Variants in GBE1 observed in about 807,000 individuals in gnomAD.
GBE1 encodes 1,4-alpha-glucan branching enzyme 1.
A neutral mutation model predicts 88.8 loss-of-function variants in GBE1; 70 were observed. That is an observed-to-expected ratio of 0.79 (90% CI 0.65 to 0.96). The LOEUF is 0.96. Among genes scored for constraint, GBE1 ranks in the 40% least tolerant of loss-of-function variants. The pLI, the probability that GBE1 is intolerant of heterozygous loss-of-function variation, is 0.00. For missense variants in GBE1, 872 were observed against 871.0 expected, an observed-to-expected ratio of 1.00 and a Z score of -0.01; for synonymous variants, 284 against 300.1, an observed-to-expected ratio of 0.95 and a Z score of 0.56.
At chr3:81,684,823 C>G (rs1016425186) in intron 2 of GBE1, among the ~76,000 whole-genome samples, 1 of 152,088 alleles carries the variant, frequency 6.6e-6, no homozygotes, top group Non-Finnish European at 1.5e-5. Context: ...GTCAATATAG[C>G]AGCTACACCA....
At chr3:81,506,255 A>G (rs1702652857) in intron 14 of GBE1, among the ~76,000 whole-genome samples, 2 of 152,196 alleles carry the variant, frequency 1.3e-5, no homozygotes, top group South Asian at 4.1e-4. Flanking sequence ...AAGGACATGA[A>G]CAGACACTTT....
At chr3:81,557,868 CA>C (rs1703368274) in intron 12 of GBE1, among the ~76,000 whole-genome samples, 1 of 151,856 alleles carries the variant, frequency 6.6e-6, no homozygotes, top group African/African-American at 2.4e-5. Flanking sequence ...CATAACATAA[CA>C]AAGAAGAAAG....
Position 81,535,180 on chromosome 3 carries a change from T to C in GBE1, c.1934+15A>G. ...GAATGTGGACAGTCATATTCACTGGTAACAAAAAGGATATTTCCCTGGCAA... is the reference window on the plus strand; with the variant it reads ...GAATGTGGACAGTCATATTCACTGGCAACAAAAAGGATATTTCCCTGGCAA... On this transcript the variant is annotated intron_variant, in intron 14 of 15. Coordinates refer to ENST00000429644, the MANE Select transcript of GBE1 (RefSeq NM_000158.4). 6.2e-7 allele frequency: 1 copy of C among 1,604,626 alleles called. No individual in the cohort carries two copies. Among genetic ancestry groups the C allele is most frequent in the Non-Finnish European group, 8.5e-7 (1 of 1,175,856 alleles).
In GBE1 at chr3:81,700,514, C is replaced by A. The variant is rs142529228; in HGVS notation, c.313+4930G>T. Among the ~76,000 whole-genome samples, 582 of 152,190 alleles carry A rather than the reference C, an allele frequency of 3.8e-3. 3 individuals are homozygous for A. Among genetic ancestry groups the A allele is most frequent in the African/African-American group, 0.013 (557 of 41,524 alleles). Reference sequence around the variant, plus strand: ...ATTCTACAGAAATAAAATGACCCTGCCAAATTGCTATCAACATTCCTAAAT... The same window carrying A: ...ATTCTACAGAAATAAAATGACCCTGACAAATTGCTATCAACATTCCTAAAT... On this transcript the variant is annotated intron_variant, in intron 2 of 15. Coordinates refer to ENST00000429644, the MANE Select transcript of GBE1 (RefSeq NM_000158.4).
chr3:81,695,254 A>T (rs914541147), intron 2 of GBE1, among the ~76,000 whole-genome samples: 1 of 152,194 alleles, frequency 6.6e-6, no homozygotes, highest in South Asian at 2.1e-4. Context: ...AACCCAAATG[A>T]CCATCTACTG....
At chr3:81,627,832 T>G (rs906073498) in intron 7 of GBE1, among the ~76,000 whole-genome samples, 1 of 151,676 alleles carries the variant, frequency 6.6e-6, no homozygotes, top group Non-Finnish European at 1.5e-5. Flanking sequence ...CAGGCTGGAA[T>G]GCAGTGGGCA....
intron 7 of GBE1, among the ~76,000 whole-genome samples, chr3:81,636,028 A>G (rs1205431915): frequency 6.6e-6 from 1 of 152,296 alleles, no homozygotes; most frequent in African/African-American, 2.4e-5. Flanking sequence ...AAGTTTATAC[A>G]AAGACGGTAA....
At chr3:81,677,124 G>A (rs1290374882) in intron 2 of GBE1, among the ~76,000 whole-genome samples, 4 of 152,216 alleles carry the variant, frequency 2.6e-5, no homozygotes, top group South Asian at 2.1e-4. Flanking sequence ...TTTCTGCAGC[G>A]TTTTTGAGTT....
At chr3:81,607,601 T>G (rs1179492717) in intron 7 of GBE1, among the ~76,000 whole-genome samples, 3 of 152,100 alleles carry the variant, frequency 2.0e-5, no homozygotes, top group Non-Finnish European at 4.4e-5. Flanking sequence ...GGCAATTAAT[T>G]CTGCTAACTA....
chr3:81,581,174 G>A lies in GBE1; in HGVS notation c.1437C>T (p.Ser479=). The change falls in exon 11 of 16, where the codon AGC becomes AGT. Residue 479 remains serine (S), a synonymous_variant. Transcript: ENST00000429644. ...GCACATATTCATTTACCTGATCATGGCTCTCTGCATAAGCAATGCACTTTT... is the reference window on the plus strand; with the variant it reads ...GCACATATTCATTTACCTGATCATGACTCTCTGCATAAGCAATGCACTTTT... ...YLEKCIAYAE[S]HDQALVGDKS... 1.3e-6 allele frequency: 2 copies of A among 1,595,858 alleles called. No homozygotes were observed. Among genetic ancestry groups the A allele is most frequent in the South Asian group, 1.1e-5 (1 of 89,314 alleles).
intron 12 of GBE1, among the ~76,000 whole-genome samples, chr3:81,565,083 G>A (rs550744986): frequency 6.6e-6 from 1 of 152,108 alleles, no homozygotes; most frequent in Non-Finnish European, 1.5e-5. Context: ...GGTTAACAGT[G>A]TGCTGTGAAT....
At chr3:81,512,263 G>A (rs867149962) in intron 14 of GBE1, among the ~76,000 whole-genome samples, 12 of 151,840 alleles carry the variant, frequency 7.9e-5, no homozygotes, top group Middle Eastern at 3.4e-3. Context: ...CTACCTGGCT[G>A]ATAGGATCAT....
intron 12 of GBE1, among the ~76,000 whole-genome samples, chr3:81,570,881 C>A (rs1032702451): frequency 6.6e-6 from 1 of 152,086 alleles, no homozygotes; most frequent in Non-Finnish European, 1.5e-5. Context: ...GTAAATGTGT[C>A]CCCATACATG....
intron 7 of GBE1, among the ~76,000 whole-genome samples, chr3:81,620,599 T>C (rs560296353): frequency 1.3e-5 from 2 of 152,252 alleles, no homozygotes; most frequent in South Asian, 4.1e-4. Flanking sequence ...GCATATGCTA[T>C]GGAAATAAAG....
intron 12 of GBE1, among the ~76,000 whole-genome samples, chr3:81,546,732 T>A (rs533719461): frequency 6.6e-6 from 1 of 151,528 alleles, no homozygotes; most frequent in Non-Finnish European, 1.5e-5. Context: ...TTGTTTAGCA[T>A]ATAATCAAGA....
At chr3:81,748,681 A>C (rs1348356841) in intron 1 of GBE1, among the ~76,000 whole-genome samples, 1 of 152,082 alleles carries the variant, frequency 6.6e-6, no homozygotes, top group Non-Finnish European at 1.5e-5. Flanking sequence ...GATCAACTGC[A>C]TCCAGTGGAA....
At chr3:81,635,980 C>A (rs988999307) in intron 7 of GBE1, among the ~76,000 whole-genome samples, 3 of 152,116 alleles carry the variant, frequency 2.0e-5, no homozygotes, top group Non-Finnish European at 4.4e-5. Flanking sequence ...AAATTTTAGG[C>A]TTGTGGGGAA....
At chr3:81,519,257 T>C (rs1702840583) in intron 14 of GBE1, among the ~76,000 whole-genome samples, 1 of 151,572 alleles carries the variant, frequency 6.6e-6, no homozygotes, top group African/African-American at 2.4e-5. Flanking sequence ...TTTTAAAAAG[T>C]GCATCTTGCA....
At chr3:81,746,330 T>G (rs997169465) in intron 1 of GBE1, among the ~76,000 whole-genome samples, 2 of 152,162 alleles carry the variant, frequency 1.3e-5, no homozygotes, top group African/African-American at 4.8e-5. Flanking sequence ...TGGCACAATC[T>G]TAGCTCACTG....
Sources: allele counts gnomAD v4.1 joint callset (sites outside exome capture counted in the v4.1 genomes callset), GRCh38; gene constraint gnomAD v4.1.1; transcripts MANE v1.5; gene names NCBI Gene and HGNC (gene_info 2026-07-23, HGNC 2026-07-21).